The following PTPRN2 variants were observed in gnomAD, a reference collection of about 807,000 sequenced individuals.
PTPRN2 encodes the protein receptor-type tyrosine-protein phosphatase N2.
PTPRN2 carries 74 observed loss-of-function variants against 118.8 expected under a neutral mutation model. That is an observed-to-expected ratio of 0.62 (90% CI 0.52 to 0.76). PTPRN2 has a LOEUF of 0.76. Ranked by LOEUF, PTPRN2 falls within the 30% of genes least tolerant of loss-of-function variation. The pLI, the probability that PTPRN2 is intolerant of heterozygous loss-of-function variation, is 0.00. For synonymous variants in PTPRN2, 641 were observed against 608.0 expected (o/e 1.05, Z -0.80); for missense variants, 1,481 against 1,394.4 (o/e 1.06, Z -0.99).
intron 11 of PTPRN2, among the ~76,000 whole-genome samples, chr7:157,945,764 G>A (rs114191881): frequency 1.5e-4 from 17 of 114,302 alleles, no homozygotes; most frequent in African/African-American, 2.1e-4. Context: ...GGACAATGCC[G>A]CCTCCAGCTT....
intron 3 of PTPRN2, among the ~76,000 whole-genome samples, chr7:158,311,151 C>T (rs181509585): frequency 5.3e-4 from 80 of 152,320 alleles, no homozygotes; most frequent in African/African-American, 1.8e-3. Context: ...TGACCTGTGC[C>T]GGCAAGCACG....
chr7:158,530,216 C>A (rs753424445), intron 1 of PTPRN2, among the ~76,000 whole-genome samples: 6 of 152,168 alleles, frequency 3.9e-5, no homozygotes, highest in Non-Finnish European at 8.8e-5. Flanking sequence ...ATTTAAATGC[C>A]ACATGCTTGC....
rs979924904 is a variant in PTPRN2 at position 157,787,150 on chromosome 7, CGGACGCGGGTGCGGCGGG to C, written c.1789-104231_1789-104214del. ...GACGCGGGGGTGGCTGCCCGGGAGG[CGGACGCGGGTGCGGCGGG>C]GGACGCGGGGGTGGCTGCCCGGGAC... On this transcript the variant is annotated intron_variant, in intron 12 of 22. Transcript: ENST00000389418. This position sits in a 1 kb window ranked among gnomAD's most constrained non-coding sequence, Gnocchi z 5.3. 2.2e-5 allele frequency among the ~76,000 whole-genome samples: 3 copies of C among 135,940 alleles called. No homozygotes were observed. Among genetic ancestry groups the C allele is most frequent in the Non-Finnish European group, 4.8e-5 (3 of 63,104 alleles). 89.2% of individuals were successfully genotyped at this position (135,940 alleles called of 152,430 possible). A position where few individuals can be genotyped will look rare whatever the true frequency, so the allele number is the denominator to read the frequency against.
At chr7:158,073,253 T>A (rs1812079545) in intron 11 of PTPRN2, among the ~76,000 whole-genome samples, 1 of 152,204 alleles carries the variant, frequency 6.6e-6, no homozygotes, top group East Asian at 1.9e-4. Flanking sequence ...TCCCAAGAAG[T>A]GGCTTCTGGC....
At position 157,690,523 on chromosome 7, in the gene PTPRN2, C is replaced by A. The variant is rs941163790; in HGVS notation, c.1789-7586G>T. 2.6e-5 allele frequency among the ~76,000 whole-genome samples: 4 copies of A among 152,012 alleles called. No individual in the cohort carries two copies. The highest frequency in any genetic ancestry group is 9.7e-5 in the African/African-American group (4 of 41,430). Reference sequence around the variant, plus strand: ...GGCCCACCCAACCGCACTACGAGCGCCCGCGCCCCGCCCGGCACCCCTGGT... The same window carrying A: ...GGCCCACCCAACCGCACTACGAGCGACCGCGCCCCGCCCGGCACCCCTGGT... On this transcript the variant is annotated intron_variant, in intron 12 of 22. Coordinates refer to ENST00000389418, the MANE Select transcript of PTPRN2 (RefSeq NM_002847.5). The surrounding 1 kb of genome is among the most constrained non-coding windows in gnomAD (Gnocchi z 7.1).
At chr7:157,628,023 G>C (rs1803690838) in intron 14 of PTPRN2, among the ~76,000 whole-genome samples, 2 of 152,198 alleles carry the variant, frequency 1.3e-5, no homozygotes, top group Non-Finnish European at 2.9e-5. Context: ...CCTGTCTCAT[G>C]GTGTTTTCTA....
At chr7:157,608,449 C>G (rs530877805) in intron 15 of PTPRN2, among the ~76,000 whole-genome samples, 12 of 152,130 alleles carry the variant, frequency 7.9e-5, no homozygotes, top group African/African-American at 2.9e-4. Context: ...GGCCAAGGGA[C>G]GCTGCAGGCT....
chr7:157,747,834 T>C (rs199921351), intron 12 of PTPRN2, among the ~76,000 whole-genome samples: 448 of 23,114 alleles, frequency 0.019, 7 homozygotes, highest in Admixed American at 0.039. Flanking sequence ...TCCCTGAGCT[T>C]TGGGCTGTCC....
At chr7:157,847,109 T>G (rs1303220483) in intron 12 of PTPRN2, among the ~76,000 whole-genome samples, 1 of 136,022 alleles carries the variant, frequency 7.4e-6, no homozygotes, top group African/African-American at 2.8e-5. Flanking sequence ...GACTCCATCA[T>G]GTGTGCCCGA....
intron 2 of PTPRN2, among the ~76,000 whole-genome samples, chr7:158,454,850 A>T (rs566722629): frequency 1.3e-5 from 2 of 152,306 alleles, no homozygotes; most frequent in Admixed American, 1.3e-4. Flanking sequence ...AGCAGACTAC[A>T]CACTGTCAAT....
chr7:158,035,630 G>A (rs1808043539), intron 11 of PTPRN2, among the ~76,000 whole-genome samples: 1 of 152,224 alleles, frequency 6.6e-6, no homozygotes, highest in African/African-American at 2.4e-5. Flanking sequence ...GGGCAGAAGA[G>A]CCTCTCTTTC....
rs568604683 is a variant in PTPRN2 at position 158,146,656 on chromosome 7, G to C, written c.911-8141C>G. Reference sequence around the variant, plus strand: ...GAATGGTGTGAACCCAGGAGGCGGAGCTAGTAGTGAGCTGAGATCGCGCCA... The same window carrying C: ...GAATGGTGTGAACCCAGGAGGCGGACCTAGTAGTGAGCTGAGATCGCGCCA... On this transcript the variant is annotated intron_variant, in intron 6 of 22. Coordinates refer to ENST00000389418, the MANE Select transcript of PTPRN2 (RefSeq NM_002847.5). Among the ~76,000 whole-genome samples the C allele has an allele frequency of 8.0e-4, 119 of 148,610 alleles. 1 individual carries two copies. The highest frequency in any genetic ancestry group is 6.8e-3 in the Middle Eastern group (2 of 294).
chr7:158,112,080 G>A (rs1052234588), intron 9 of PTPRN2, among the ~76,000 whole-genome samples: 3 of 151,126 alleles, frequency 2.0e-5, no homozygotes, highest in East Asian at 2.0e-4. Flanking sequence ...AGCCTCAGGG[G>A]AACCAGCCCT....
At chr7:158,049,589 C>T (rs1809170747) in intron 11 of PTPRN2, among the ~76,000 whole-genome samples, 1 of 152,194 alleles carries the variant, frequency 6.6e-6, no homozygotes, top group South Asian at 2.1e-4. Flanking sequence ...ACAGCTGATC[C>T]CACATGGTCC....
intron 12 of PTPRN2, among the ~76,000 whole-genome samples, chr7:157,836,611 G>GACACAC (rs57654943): frequency 0.073 from 10,978 of 150,296 alleles, 1,128 homozygotes; most frequent in African/African-American, 0.23. Context: ...GCAAAATAAA[G>GACACAC]ACACACACAC....
chr7:157,842,642 A>T (rs996896585), intron 12 of PTPRN2, among the ~76,000 whole-genome samples: 33 of 151,938 alleles, frequency 2.2e-4, no homozygotes, highest in Non-Finnish European at 5.9e-5. Flanking sequence ...TTCGAACTCC[A>T]GACCTTGTGA....
At chr7:158,562,575 C>T (rs1298571435) in intron 1 of PTPRN2, among the ~76,000 whole-genome samples, 2 of 152,182 alleles carry the variant, frequency 1.3e-5, no homozygotes, top group Non-Finnish European at 2.9e-5. Flanking sequence ...CATTAAGACA[C>T]CCATTCCACC....
At chr7:157,842,194 C>T (rs533773346) in intron 12 of PTPRN2, among the ~76,000 whole-genome samples, 6 of 152,202 alleles carry the variant, frequency 3.9e-5, no homozygotes, top group African/African-American at 9.6e-5. Context: ...GGCTGTGAAT[C>T]GGTGCTGCTG....
intron 3 of PTPRN2, among the ~76,000 whole-genome samples, chr7:158,283,783 C>A (rs1799591561): frequency 6.6e-6 from 1 of 152,022 alleles, no homozygotes; most frequent in Non-Finnish European, 1.5e-5. Flanking sequence ...AGCCACCAGC[C>A]CCTCCCTAAT....
Sources: allele counts gnomAD v4.1 joint callset (sites outside exome capture counted in the v4.1 genomes callset), GRCh38; gene constraint gnomAD v4.1.1; non-coding constraint Gnocchi (gnomAD v3.1); transcripts MANE v1.5; gene names NCBI Gene and HGNC (gene_info 2026-07-23, HGNC 2026-07-21).